Variants in GALNT2 observed in about 807,000 individuals in gnomAD.
The protein encoded by GALNT2 is polypeptide N-acetylgalactosaminyltransferase 2, also known as UDP-GalNAc:polypeptide N-acetylgalactosaminyltransferase 2.
A neutral mutation model predicts 81.4 loss-of-function variants in GALNT2; 31 were observed. The observed-to-expected ratio is 0.38, with a 90% CI of 0.29 to 0.51. GALNT2 has a LOEUF of 0.51. Ranked by LOEUF, GALNT2 falls within the 20% of genes least tolerant of loss-of-function variation. GALNT2 has a pLI of 0.87. For missense variants in GALNT2, 629 were observed against 765.7 expected, an observed-to-expected ratio of 0.82 and a Z score of 2.11; for synonymous variants, 303 against 287.4, an observed-to-expected ratio of 1.05 and a Z score of -0.55.
At chr1:230,191,216 C>T (rs190374913) in intron 2 of GALNT2, among the ~76,000 whole-genome samples, 2 of 152,340 alleles carry the variant, frequency 1.3e-5, no homozygotes, top group Admixed American at 1.3e-4. Context: ...TCTGGGCTCC[C>T]ACCCCATAGC....
At chr1:230,273,930 A>G (rs1457842298) in intron 14 of GALNT2, among the ~76,000 whole-genome samples, 1 of 152,194 alleles carries the variant, frequency 6.6e-6, no homozygotes, top group Non-Finnish European at 1.5e-5. Flanking sequence ...TTCACTTAGG[A>G]GGCTATACAC....
chr1:230,167,602 C>T lies in GALNT2; in HGVS notation c.127-10616C>T, dbSNP rs113261393. 4.8e-3 allele frequency among the ~76,000 whole-genome samples: 736 copies of T among 152,336 alleles called. 6 individuals are homozygous for T. The highest frequency in any genetic ancestry group is 0.017 in the African/African-American group (707 of 41,582). The stretch of plus-strand genomic sequence containing the variant: ...GCATTGCACTTTAGTTCTGTGAGAC[C>T]TGCTTGTGGGCTGAGGTGAAGTGGG... On this transcript the variant is annotated intron_variant, in intron 1 of 15. Coordinates refer to ENST00000366672, the MANE Select transcript of GALNT2 (RefSeq NM_004481.5).
chr1:230,192,598 T>G (rs1663564525), intron 2 of GALNT2, among the ~76,000 whole-genome samples: 1 of 152,258 alleles, frequency 6.6e-6, no homozygotes, highest in Non-Finnish European at 1.5e-5. Flanking sequence ...ATTTCAAATT[T>G]GAAGAAGAGA....
At chr1:230,116,694 C>A (rs1660859183) in intron 1 of GALNT2, among the ~76,000 whole-genome samples, 2 of 152,278 alleles carry the variant, frequency 1.3e-5, no homozygotes, top group Admixed American at 6.5e-5. Context: ...CAGTAGTAGT[C>A]TTTTGACAGG....
intron 1 of GALNT2, among the ~76,000 whole-genome samples, chr1:230,148,416 T>G (rs952890731): frequency 1.3e-5 from 2 of 152,190 alleles, no homozygotes; most frequent in African/African-American, 4.8e-5. Flanking sequence ...GTAACCTGGG[T>G]GCATCCAACA....
intron 1 of GALNT2, among the ~76,000 whole-genome samples, chr1:230,101,137 C>T (rs1660391010): frequency 6.6e-6 from 1 of 152,112 alleles, no homozygotes; most frequent in African/African-American, 2.4e-5. Flanking sequence ...ATCACACGAG[C>T]AAGAAATAGC....
chr1:230,268,632 C>T (rs1342689556), intron 14 of GALNT2: 1 of 152,314 alleles, frequency 6.6e-6, no homozygotes, highest in African/African-American at 2.4e-5. Context: ...GGCTCACCCC[C>T]CGCCAGCATT....
Position 230,147,559 on chromosome 1 carries a change from G to A in GALNT2, c.127-30659G>A, listed in dbSNP as rs1167663250. On this transcript the variant is annotated intron_variant, in intron 1 of 15. Transcript: ENST00000366672. ...ACTGGTTCTCCTTTCCTGGTCCCGC[G>A]GGGGCTTTTCTTTTCTTCTCTGTTG... Among the ~76,000 whole-genome samples, 10 of 152,212 alleles carry A rather than the reference G, an allele frequency of 6.6e-5. No homozygotes were observed. The East Asian group carries it at 7.7e-4, about 12-fold the overall frequency.
intron 1 of GALNT2, among the ~76,000 whole-genome samples, chr1:230,119,895 G>A (rs1005722446): frequency 3.3e-5 from 5 of 152,248 alleles, no homozygotes; most frequent in South Asian, 2.1e-4. Flanking sequence ...TCCCATTGGC[G>A]TGATTGTCAT....
intron 1 of GALNT2, among the ~76,000 whole-genome samples, chr1:230,112,795 GGGGGT>G (rs1660742613): frequency 6.6e-6 from 1 of 151,296 alleles, no homozygotes; most frequent in African/African-American, 2.4e-5. Flanking sequence ...TGTGTGGCAG[GGGGGT>G]GGGGGGGACC....
rs116773789 is a variant in GALNT2 at position 230,130,137 on chromosome 1, C to T, written c.127-48081C>T. Among the ~76,000 whole-genome samples, 852 of 152,348 alleles carry T rather than the reference C, an allele frequency of 5.6e-3. 2 individuals are homozygous for T. The highest frequency in any genetic ancestry group is 0.01 in the Middle Eastern group (3 of 294). ...ACTGTGGAACTTTGTAGTCCTAATA[C>T]CTCTTGCACATGAAAATCTCTCTGC... On this transcript the variant is annotated intron_variant, in intron 1 of 15. Coordinates refer to ENST00000366672, the MANE Select transcript of GALNT2 (RefSeq NM_004481.5).
chr1:230,178,248 A>C lies in GALNT2; in HGVS notation c.157A>C (p.Lys53Gln), dbSNP rs201249198. The C allele has an allele frequency of 2.5e-5, 40 of 1,614,004 alleles. No homozygotes were observed. The highest frequency in any genetic ancestry group is 3.4e-5 in the Non-Finnish European group (40 of 1,179,986). The part of the protein sequence containing the change: ...EDWNEIDPIK[K>Q]KDLHHSNGEE... ...CTGGAATGAAATTGACCCCATTAAA[A>C]AGAAAGACCTTCATCACAGCAATGG... Residue 53 changes from lysine to glutamine, a missense_variant, in exon 2 of 16, where the codon AAG (lysine) becomes CAG (glutamine). Around this residue, in one of 3 missense-constraint regions of GALNT2, gnomAD observed 360 missense variants for 492.8 expected, o/e 0.73. Transcript: ENST00000366672.
At chr1:230,138,830 A>G (rs1163696170) in intron 1 of GALNT2, among the ~76,000 whole-genome samples, 2 of 152,172 alleles carry the variant, frequency 1.3e-5, no homozygotes, top group African/African-American at 4.8e-5. Flanking sequence ...AGCAGTGAGG[A>G]TGACCAGGTG....
chr1:230,239,540 C>CG (rs553504259), intron 6 of GALNT2, among the ~76,000 whole-genome samples: 57 of 152,238 alleles, frequency 3.7e-4, no homozygotes, highest in Admixed American at 3.7e-3. Context: ...AGATGTAGGC[C>CG]GGGGGAGACC....
chr1:230,062,724 C>A (rs1659077718), upstream of GALNT2, among the ~76,000 whole-genome samples: 1 of 152,116 alleles, frequency 6.6e-6, no homozygotes, highest in Admixed American at 6.5e-5. Flanking sequence ...TATTCCATTG[C>A]ATGGATATAC....
chr1:230,265,014 A>G, intron 13 of GALNT2: 1 of 483,930 alleles, frequency 2.1e-6, no homozygotes, highest in Non-Finnish European at 3.7e-6. Context: ...TAGAATATAA[A>G]GAATACTTCT....
chr1:230,148,180 C>T (rs147004672), intron 1 of GALNT2, among the ~76,000 whole-genome samples: 6 of 152,314 alleles, frequency 3.9e-5, no homozygotes, highest in Non-Finnish European at 7.4e-5. Context: ...CTGAGAGCCA[C>T]GAGGTGGACT....
intron 1 of GALNT2, among the ~76,000 whole-genome samples, chr1:230,082,299 G>A (rs1236931197): frequency 6.6e-6 from 1 of 152,254 alleles, no homozygotes; most frequent in Non-Finnish European, 1.5e-5. Context: ...TCTCTAATCG[G>A]TCAAAGTGCT....
intron 8 of GALNT2, among the ~76,000 whole-genome samples, chr1:230,247,503 C>T (rs184482080): frequency 1.6e-4 from 24 of 152,308 alleles, no homozygotes; most frequent in South Asian, 8.3e-4. Flanking sequence ...GGAAACATAA[C>T]ATTCAGGAAC....
Sources: allele counts gnomAD v4.1 joint callset (sites outside exome capture counted in the v4.1 genomes callset), GRCh38; gene constraint gnomAD v4.1.1; regional missense constraint gnomAD v4.1.1; transcripts MANE v1.5; gene names NCBI Gene and HGNC (gene_info 2026-07-23, HGNC 2026-07-21).